The following FRMD3 variants were observed in gnomAD, a reference collection of about 807,000 sequenced individuals.
FRMD3 encodes FERM domain-containing protein 3.
Under a neutral mutation model 70.2 loss-of-function variants are expected in FRMD3, and 33 were observed. The observed-to-expected ratio is 0.47, with a 90% confidence interval of 0.36 to 0.63. The LOEUF is 0.63. Among genes scored for constraint, FRMD3 ranks in the 20% least tolerant of loss-of-function variants. The probability of loss-of-function intolerance (pLI) is 0.00; values close to 1 mark genes in which losing one functional copy is unlikely to be tolerated. For synonymous variants in FRMD3, 279 were observed against 255.9 expected, an observed-to-expected ratio of 1.09 and a Z score of -0.86; for missense variants, 632 against 711.4, an observed-to-expected ratio of 0.89 and a Z score of 1.27.
At chr9:83,432,635 C>T (rs1827015946) in intron 1 of FRMD3, among the ~76,000 whole-genome samples, 1 of 152,208 alleles carries the variant, frequency 6.6e-6, no homozygotes, top group Non-Finnish European at 1.5e-5. Flanking sequence ...GGTCATAGAT[C>T]ACTCATCCAA....
chr9:83,279,334 C>T (rs1833891528), intron 13 of FRMD3: 1 of 152,060 alleles, frequency 6.6e-6, no homozygotes, highest in African/African-American at 2.4e-5. Flanking sequence ...TTGCAACTCA[C>T]AAAAAGAAAG....
intron 1 of FRMD3, among the ~76,000 whole-genome samples, chr9:83,409,987 T>C (rs1826234473): frequency 6.6e-6 from 1 of 152,238 alleles, no homozygotes; most frequent in Non-Finnish European, 1.5e-5. Context: ...CAATGCCATT[T>C]CTACCAGCAG....
At chr9:83,308,158 A>G (rs569950963) in intron 10 of FRMD3, among the ~76,000 whole-genome samples, 25 of 152,116 alleles carry the variant, frequency 1.6e-4, no homozygotes, top group Non-Finnish European at 3.1e-4. Context: ...GTTTCCTGGG[A>G]CATGGGGATG....
At chr9:83,432,335 T>C (rs560914849) in intron 1 of FRMD3, among the ~76,000 whole-genome samples, 1 of 152,338 alleles carries the variant, frequency 6.6e-6, no homozygotes, top group South Asian at 2.1e-4. Context: ...TCACTATGTT[T>C]CCTTTGCCCC....
At chr9:83,510,162 A>G (rs1829305740) in intron 1 of FRMD3, among the ~76,000 whole-genome samples, 2 of 152,164 alleles carry the variant, frequency 1.3e-5, no homozygotes, top group Non-Finnish European at 2.9e-5. Flanking sequence ...CATAGTCTTG[A>G]GGCAGCCTGG....
At chr9:83,349,303 TC>T (rs1207843080) in intron 4 of FRMD3, among the ~76,000 whole-genome samples, 1 of 152,164 alleles carries the variant, frequency 6.6e-6, no homozygotes, top group Non-Finnish European at 1.5e-5. Context: ...TGCCAGGCGA[TC>T]TTTTCCCTCC....
intron 4 of FRMD3, among the ~76,000 whole-genome samples, chr9:83,346,767 G>C (rs570992346): frequency 1.1e-4 from 17 of 152,312 alleles, no homozygotes; most frequent in Admixed American, 3.9e-4. Context: ...TATGAAAATA[G>C]ATTGCTGGAC....
rs761884144 is a variant in FRMD3 at position 83,298,804 on chromosome 9, G to T, written c.1014C>A (p.Ala338=). The change falls in exon 12 of 14, where the codon GCC becomes GCA. Residue 338 remains alanine, a synonymous_variant. Transcript: ENST00000304195. The part of the protein sequence containing the change: ...GSRFRYSGKV[A]KEVVEASSKI... ...TGGAACTGGCCTCCACCACCTCTTT[G>T]GCAACTTTCCCACTGCAAAAGACAG... 6.2e-7 allele frequency: 1 copy of T among 1,614,000 alleles called. No homozygotes were observed. Among genetic ancestry groups the T allele is most frequent in the Admixed American group, 1.7e-5 (1 of 59,992 alleles).
At chr9:83,291,520 T>C (rs1834418617) in intron 12 of FRMD3, among the ~76,000 whole-genome samples, 1 of 152,098 alleles carries the variant, frequency 6.6e-6, no homozygotes, top group African/African-American at 2.4e-5. Flanking sequence ...AGTCAAATGT[T>C]TCCTTCCCCT....
chr9:83,255,509 G>C (rs2378656), intron 13 of FRMD3, among the ~76,000 whole-genome samples: 8 of 152,120 alleles, frequency 5.3e-5, no homozygotes. Flanking sequence ...CCATTTGACA[G>C]AGTATTGGAA....
chr9:83,374,109 G>T (rs1310248642), intron 2 of FRMD3, among the ~76,000 whole-genome samples: 1 of 152,132 alleles, frequency 6.6e-6, no homozygotes, highest in African/African-American at 2.4e-5. Flanking sequence ...GCTTGACTAA[G>T]GTCACTCTGC....
chr9:83,494,956 T>C (rs766825465), intron 1 of FRMD3, among the ~76,000 whole-genome samples: 22 of 152,134 alleles, frequency 1.4e-4, no homozygotes, highest in Non-Finnish European at 2.6e-4. Context: ...CAAAAGATCA[T>C]AAATATTTCC....
chr9:83,502,696 T>G (rs4877257), intron 1 of FRMD3, among the ~76,000 whole-genome samples: 94,421 of 151,922 alleles, frequency 0.62, 29,731 homozygotes, highest in African/African-American at 0.67. Context: ...CATGATTCAG[T>G]GGACTCCAAA....
At chr9:83,314,172 C>T (rs1835471928) in intron 6 of FRMD3, among the ~76,000 whole-genome samples, 1 of 152,126 alleles carries the variant, frequency 6.6e-6, no homozygotes, top group Admixed American at 6.5e-5. Context: ...ATCAACAAGC[C>T]TAAACAGAGC....
intron 13 of FRMD3, among the ~76,000 whole-genome samples, chr9:83,281,116 G>C (rs35471874): frequency 0.036 from 5,521 of 152,284 alleles, 125 homozygotes; most frequent in Middle Eastern, 0.075. Context: ...GGAGGAGACG[G>C]AGGGAGAGGC....
chr9:83,277,446 CCTCAAATTCCCAGG>C (rs1484286066), intron 13 of FRMD3, among the ~76,000 whole-genome samples: 2 of 152,104 alleles, frequency 1.3e-5, no homozygotes, highest in Non-Finnish European at 2.9e-5. Flanking sequence ...CTTACTGTCG[CCTCAAATTCCCAGG>C]CTCAAGTGAT....
chr9:83,541,274 G>C (rs1388259949), upstream of FRMD3, among the ~76,000 whole-genome samples: 5 of 152,208 alleles, frequency 3.3e-5, no homozygotes, highest in Non-Finnish European at 7.3e-5. Context: ...ACATTGAAGA[G>C]TATATGTGTG....
chr9:83,278,874 A>C (rs376362513), intron 13 of FRMD3, among the ~76,000 whole-genome samples: 1 of 152,100 alleles, frequency 6.6e-6, no homozygotes, highest in East Asian at 1.9e-4. Context: ...GAGAGAGCAA[A>C]CTAAGGGCCC....
intron 1 of FRMD3, among the ~76,000 whole-genome samples, chr9:83,527,770 G>T (rs1026245388): frequency 1.3e-5 from 2 of 152,086 alleles, no homozygotes; most frequent in Non-Finnish European, 2.9e-5. Context: ...CTGAGCCTGA[G>T]TCAAGTTCAA....
Sources: allele counts gnomAD v4.1 joint callset (sites outside exome capture counted in the v4.1 genomes callset), GRCh38; gene constraint gnomAD v4.1.1; transcripts MANE v1.5; gene names NCBI Gene and HGNC (gene_info 2026-07-23, HGNC 2026-07-21).